Variants in GRIN2A observed in about 807,000 individuals in gnomAD.
The protein encoded by GRIN2A is glutamate receptor ionotropic, NMDA 2A.
A neutral mutation model predicts 113.4 loss-of-function variants in GRIN2A; 22 were observed. That is an observed-to-expected ratio of 0.19 (90% CI 0.14 to 0.28). GRIN2A has a LOEUF of 0.28. Ranked by LOEUF, GRIN2A falls within the 10% of genes least tolerant of loss-of-function variation. GRIN2A has a pLI of 1.00. For missense variants in GRIN2A, 1,502 were observed against 1,887.0 expected, an observed-to-expected ratio of 0.80 and a Z score of 3.78; for synonymous variants, 827 against 738.4, an observed-to-expected ratio of 1.12 and a Z score of -1.94.
chr16:9,952,064 G>T (rs968378198), intron 2 of GRIN2A, among the ~76,000 whole-genome samples: 1 of 152,142 alleles, frequency 6.6e-6, no homozygotes, highest in Non-Finnish European at 1.5e-5. Flanking sequence ...GAAATAAATA[G>T]AAGGCTCTCC....
chr16:10,075,855 G>T (rs1430831546), intron 2 of GRIN2A, among the ~76,000 whole-genome samples: 1 of 152,040 alleles, frequency 6.6e-6, no homozygotes, highest in African/African-American at 2.4e-5. Flanking sequence ...TAATTAATAT[G>T]CTAAAAAATT....
At chr16:9,811,288 C>T (rs905921513) in intron 10 of GRIN2A, among the ~76,000 whole-genome samples, 1 of 152,168 alleles carries the variant, frequency 6.6e-6, no homozygotes, top group Non-Finnish European at 1.5e-5. Flanking sequence ...GATGTTGGGT[C>T]TTCAACTGAA....
At chr16:10,000,025 G>A (rs542452687) in intron 2 of GRIN2A, among the ~76,000 whole-genome samples, 32 of 152,100 alleles carry the variant, frequency 2.1e-4, no homozygotes, top group South Asian at 8.3e-4. Context: ...CCTCCCCTGA[G>A]CACCCTCATT....
chr16:9,796,781 C>T (rs1903016749), intron 11 of GRIN2A, among the ~76,000 whole-genome samples: 1 of 152,210 alleles, frequency 6.6e-6, no homozygotes, highest in African/African-American at 2.4e-5. Flanking sequence ...CCAGGCAGAG[C>T]TTCTCCACTC....
intron 5 of GRIN2A, among the ~76,000 whole-genome samples, chr16:9,846,796 C>T (rs1343758636): frequency 6.6e-6 from 1 of 152,190 alleles, no homozygotes; most frequent in East Asian, 1.9e-4. Context: ...GTAAAAGAAA[C>T]AGATCAGAAA....
At chr16:9,879,526 A>G (rs1173271554) in intron 4 of GRIN2A, among the ~76,000 whole-genome samples, 1 of 152,164 alleles carries the variant, frequency 6.6e-6, no homozygotes, top group African/African-American at 2.4e-5. Flanking sequence ...TTCCGCGGCC[A>G]CTATTCCTCC....
intron 2 of GRIN2A, among the ~76,000 whole-genome samples, chr16:10,024,721 G>A (rs1438512186): frequency 1.3e-5 from 2 of 152,134 alleles, no homozygotes; most frequent in East Asian, 3.9e-4. Flanking sequence ...ACAACATAGA[G>A]AAAGCCCACG....
rs944325047 is a variant in GRIN2A, at chr16:9,755,764, T to G, written c.*7385A>C. On this transcript the variant is annotated 3_prime_UTR_variant, in exon 13 of 13. Coordinates refer to ENST00000330684, the MANE Select transcript of GRIN2A (RefSeq NM_001134407.3). ...GTACCTATAAAGCCCGGTGGAAGCG[T>G]TCCAGTTCAACACTCTTCAGTGGGA... 9.5e-6 allele frequency: 2 copies of G among 209,628 alleles called. No homozygotes were observed. Among genetic ancestry groups the G allele is most frequent in the African/African-American group, 4.6e-5 (2 of 43,882 alleles). The allele number at this position is 209,628 out of a possible 1,614,324, so 13.0% of individuals were successfully genotyped here. A position where few individuals can be genotyped will look rare whatever the true frequency, so the allele number is the denominator to read the frequency against.
At chr16:9,896,080 C>T (rs1033464985) in intron 3 of GRIN2A, among the ~76,000 whole-genome samples, 10 of 151,562 alleles carry the variant, frequency 6.6e-5, no homozygotes, top group African/African-American at 2.4e-4. Context: ...AACAGGGTCT[C>T]ACTCTGCCAC....
intron 7 of GRIN2A, 63 bp downstream of exon 7, chr16:9,840,584 G>C (rs2042655988): frequency 6.7e-7 from 1 of 1,487,904 alleles, no homozygotes; most frequent in Non-Finnish European, 9.4e-7. Flanking sequence ...CCCATCCTCT[G>C]AGCAAACAAG....
intron 4 of GRIN2A, among the ~76,000 whole-genome samples, chr16:9,860,623 A>C (rs540771222): frequency 6.6e-6 from 1 of 152,018 alleles, no homozygotes; most frequent in Admixed American, 6.5e-5. Flanking sequence ...CTTCTTCTCA[A>C]TGTAGTGCAG....
chr16:9,873,158 G>T (rs943854991), intron 4 of GRIN2A, among the ~76,000 whole-genome samples: 1 of 152,180 alleles, frequency 6.6e-6, no homozygotes, highest in Admixed American at 6.5e-5. Context: ...AATGTGTAAT[G>T]ATAGACAATG....
intron 2 of GRIN2A, among the ~76,000 whole-genome samples, chr16:10,047,748 T>G (rs2047285636): frequency 6.6e-6 from 1 of 152,234 alleles, no homozygotes. Flanking sequence ...TATCCTTTTC[T>G]GCCCTGGAAT....
At chr16:10,091,560 G>A (rs898404189) in intron 2 of GRIN2A, among the ~76,000 whole-genome samples, 4 of 152,120 alleles carry the variant, frequency 2.6e-5, no homozygotes, top group Non-Finnish European at 4.4e-5. Context: ...GGCTGAGGTG[G>A]GAGGATTGCT....
intron 4 of GRIN2A, among the ~76,000 whole-genome samples, chr16:9,881,747 G>T (rs1195495212): frequency 6.6e-6 from 1 of 152,272 alleles, no homozygotes; most frequent in East Asian, 1.9e-4. Flanking sequence ...AGTGCTAGCC[G>T]TGGCCAGAAT....
chr16:9,863,094 T>G (rs1391207281), intron 4 of GRIN2A, among the ~76,000 whole-genome samples: 1 of 152,248 alleles, frequency 6.6e-6, no homozygotes, highest in Non-Finnish European at 1.5e-5. Flanking sequence ...ACCTGGAATC[T>G]GAGCTTGGAC....
At chr16:9,920,475 G>A (rs1425869283) in intron 3 of GRIN2A, among the ~76,000 whole-genome samples, 2 of 152,206 alleles carry the variant, frequency 1.3e-5, no homozygotes, top group East Asian at 3.9e-4. Flanking sequence ...TAGCTAAGAA[G>A]TATGATGGAT....
At position 9,754,738 on chromosome 16, in the gene GRIN2A, A is replaced by G. The variant is rs1378998519; in HGVS notation, c.*8411T>C. On this transcript the variant is annotated 3_prime_UTR_variant, in exon 13 of 13. Transcript: ENST00000330684. Reference sequence around the variant, plus strand: ...ATAATTAAATAAGTCTTAGATGGCTAATGTAGAAACTTCGATTGAATTCAA... The same window carrying G: ...ATAATTAAATAAGTCTTAGATGGCTGATGTAGAAACTTCGATTGAATTCAA... 2 of 218,502 alleles carry G rather than the reference A, an allele frequency of 9.2e-6. No homozygotes were observed. The highest frequency in any genetic ancestry group is 1.8e-5 in the Non-Finnish European group (2 of 108,820). 13.5% of individuals were successfully genotyped at this position (218,502 alleles called of 1,614,324 possible). A position where few individuals can be genotyped will look rare whatever the true frequency, so the allele number is the denominator to read the frequency against.
intron 2 of GRIN2A, among the ~76,000 whole-genome samples, chr16:10,144,602 A>G (rs1194402422): frequency 1.3e-5 from 2 of 152,158 alleles, no homozygotes; most frequent in South Asian, 2.1e-4. Context: ...ATTTTCTCCC[A>G]TTCTATAGGA....
Sources: gnomAD v4.1 joint callset for allele counts (sites outside exome capture counted in the v4.1 genomes callset) on GRCh38, gnomAD v4.1.1 for gene constraint, MANE v1.5 for transcripts, NCBI Gene and HGNC (gene_info 2026-07-23, HGNC 2026-07-21) for gene names.